The following PITHD1 variants were observed in gnomAD, a reference collection of about 807,000 sequenced individuals.
PITHD1 encodes PITH domain containing 1.
In PITHD1, 8 loss-of-function variants were observed where a neutral mutation model predicts 27.5. The observed-to-expected ratio is 0.29, with a 90% CI of 0.17 to 0.52. The LOEUF (loss-of-function observed/expected upper bound fraction) is 0.52. Ranked by LOEUF, PITHD1 falls within the 20% of genes least tolerant of loss-of-function variation. The pLI, the probability that PITHD1 is intolerant of heterozygous loss-of-function variation, is 0.96. For missense variants in PITHD1, 233 were observed against 283.9 expected, an observed-to-expected ratio of 0.82 and a Z score of 1.29; for synonymous variants, 118 against 106.8, an observed-to-expected ratio of 1.10 and a Z score of -0.64.
intron 3 of PITHD1, among the ~76,000 whole-genome samples, chr1:23,782,851 C>T (rs1399929043): frequency 1.3e-5 from 2 of 152,016 alleles, no homozygotes; most frequent in Non-Finnish European, 2.9e-5. Context: ...AGGCTGCCCA[C>T]CTCAGCCTCC....
rs1219417423 is a variant in PITHD1, at chr1:23,779,668, CAAT to C, written c.242+190_243-191del. 9.1e-6 allele frequency: 6 copies of C among 657,318 alleles called. No individual in the cohort carries two copies. The African/African-American group carries it at 1.1e-4, about 12-fold the overall frequency. 40.7% of individuals were successfully genotyped at this position (657,318 alleles called of 1,614,324 possible). A position where few individuals can be genotyped will look rare whatever the true frequency, so the allele number is the denominator to read the frequency against. On this transcript the variant is annotated intron_variant, in intron 2 of 5. Transcript: ENST00000246151. ...ACTGGAAACAGATGTATTTGTAGAA[CAAT>C]AACTGAGAAATTGAGGTAGATTTCT...
At position 23,787,734 on chromosome 1, in the gene PITHD1, T is replaced by G. The variant is rs936155979; in HGVS notation, c.*358T>G. 6.2e-6 allele frequency: 1 copy of G among 162,008 alleles called. No homozygotes were observed. The highest frequency in any genetic ancestry group is 2.4e-5 in the African/African-American group (1 of 41,686). 10.0% of individuals were successfully genotyped at this position (162,008 alleles called of 1,614,324 possible). ...TGTGTGACTTGTTTTTTTGTTTTTG[T>G]TTTTGTTTTTTTAAAGGAAACTATT... On this transcript the variant is annotated 3_prime_UTR_variant, in exon 6 of 6. Coordinates refer to ENST00000246151, the MANE Select transcript of PITHD1 (RefSeq NM_020362.5).
chr1:23,780,672 C>T (rs927310736), intron 3 of PITHD1, among the ~76,000 whole-genome samples: 2 of 149,734 alleles, frequency 1.3e-5, no homozygotes, highest in African/African-American at 2.5e-5. Context: ...ACCTGAGGTT[C>T]GAGACCAGCC....
Position 23,778,454 on chromosome 1 carries a change from G to T in PITHD1, c.-62G>T. ...CTGAACGGCGCGGAGCTGGTCTGAG[G>T]CGAGCCGAGCCGAGCGAGCGCGGCG... On this transcript the variant is annotated 5_prime_UTR_variant, in exon 1 of 6. Transcript: ENST00000246151. The T allele has an allele frequency of 8.2e-7, 1 of 1,220,610 alleles. No individual in the cohort carries two copies. The highest frequency in any genetic ancestry group is 2.2e-5 in the South Asian group (1 of 45,042). 75.6% of individuals were successfully genotyped at this position (1,220,610 alleles called of 1,614,324 possible). A position where few individuals can be genotyped will look rare whatever the true frequency, so the allele number is the denominator to read the frequency against.
At chr1:23,782,827 T>C (rs1049987780) in intron 3 of PITHD1, among the ~76,000 whole-genome samples, 2 of 151,804 alleles carry the variant, frequency 1.3e-5, no homozygotes, top group Non-Finnish European at 2.9e-5. Flanking sequence ...GGTCTTGAAC[T>C]CCTGGGATCA....
intron 3 of PITHD1, among the ~76,000 whole-genome samples, chr1:23,783,430 C>CAT (rs1638637672): frequency 1.5e-5 from 2 of 134,414 alleles, no homozygotes; most frequent in African/African-American, 5.8e-5. Context: ...CGTATATATA[C>CAT]GTGTGTGTGT....
chr1:23,779,760 G>T, intron 2 of PITHD1, 104 bp from the exon 3 acceptor site: 1 of 818,740 alleles, frequency 1.2e-6, no homozygotes, highest in South Asian at 1.4e-5. Context: ...GTTGACAGAT[G>T]AGTAAACTGA....
chr1:23,780,819 G>T (rs1272312557), intron 3 of PITHD1, among the ~76,000 whole-genome samples: 1 of 151,974 alleles, frequency 6.6e-6, no homozygotes, highest in South Asian at 2.1e-4. Context: ...AGGTTGCAGC[G>T]AGCCGAGATC....
At position 23,787,635 on chromosome 1, in the gene PITHD1, ATGGG is replaced by A; in HGVS notation, c.*261_*264del. 1 of 293,760 alleles carries A rather than the reference ATGGG, an allele frequency of 3.4e-6. No individual in the cohort carries two copies. Among genetic ancestry groups the A allele is most frequent in the Non-Finnish European group, 6.3e-6 (1 of 158,060 alleles). The allele number at this position is 293,760 out of a possible 1,614,324, so 18.2% of individuals were successfully genotyped here. On this transcript the variant is annotated 3_prime_UTR_variant, in exon 6 of 6. Transcript: ENST00000246151. ...TTGGGCTGGGTGGCATCTGGCAGTCATGGGTAACACTTGCTTTTCCAGTTAATGT... is the reference window on the plus strand; with the variant it reads ...TTGGGCTGGGTGGCATCTGGCAGTCATAACACTTGCTTTTCCAGTTAATGT...
Position 23,778,473 on chromosome 1 carries a change from C to A in PITHD1, c.-43C>A. 1.5e-6 allele frequency: 2 copies of A among 1,299,578 alleles called. No individual in the cohort carries two copies. Among genetic ancestry groups the A allele is most frequent in the Non-Finnish European group, 2.0e-6 (2 of 1,018,628 alleles). The allele number at this position is 1,299,578 out of a possible 1,614,324, so 80.5% of individuals were successfully genotyped here. The stretch of plus-strand genomic sequence containing the variant: ...TCTGAGGCGAGCCGAGCCGAGCGAG[C>A]GCGGCGGTGGGGCCGAGAGGACGCG... On this transcript the variant is annotated 5_prime_UTR_variant, in exon 1 of 6. Transcript: ENST00000246151.
intron 3 of PITHD1, chr1:23,785,047 G>C (rs565608084): frequency 6.6e-6 from 1 of 152,096 alleles, no homozygotes; most frequent in African/African-American, 2.4e-5. Flanking sequence ...AGTTTGGTCT[G>C]AATGTGCTGA....
At chr1:23,780,465 C>T (rs1185383229) in intron 3 of PITHD1, among the ~76,000 whole-genome samples, 2 of 152,142 alleles carry the variant, frequency 1.3e-5, no homozygotes, top group Non-Finnish European at 2.9e-5. Context: ...TACCTTATTC[C>T]AGAACAGCCT....
chr1:23,783,187 T>G (rs1358348363), intron 3 of PITHD1, among the ~76,000 whole-genome samples: 1 of 150,370 alleles, frequency 6.7e-6, no homozygotes, highest in Non-Finnish European at 1.5e-5. Flanking sequence ...TTAGTAGAGA[T>G]AGAGTTTCAC....
chr1:23,783,349 A>G (rs553389268), intron 3 of PITHD1, among the ~76,000 whole-genome samples: 51 of 149,384 alleles, frequency 3.4e-4, no homozygotes, highest in African/African-American at 1.1e-3. Context: ...GTATATATAC[A>G]TATATACGCA....
At chr1:23,785,605 G>C (rs1638670992) in intron 3 of PITHD1, 70 bp from the exon 4 acceptor site, 14 of 865,296 alleles carry the variant, frequency 1.6e-5, no homozygotes, top group Admixed American at 7.4e-5. Flanking sequence ...TAAGCAGTCA[G>C]TAGAAAATTT....
In PITHD1 at chr1:23,787,609, C is replaced by G. The variant is rs148886693; in HGVS notation, c.*233C>G. ...CTCTAGGGCGCTGTGGAAATTGGGTCTTGGGCTGGGTGGCATCTGGCAGTC... is the reference window on the plus strand; with the variant it reads ...CTCTAGGGCGCTGTGGAAATTGGGTGTTGGGCTGGGTGGCATCTGGCAGTC... On this transcript the variant is annotated 3_prime_UTR_variant, in exon 6 of 6. Transcript: ENST00000246151. The G allele has an allele frequency of 3.3e-4, 106 of 322,668 alleles. 1 individual carries two copies. The highest frequency in any genetic ancestry group is 1.3e-3 in the South Asian group (15 of 11,804). The allele number at this position is 322,668 out of a possible 1,614,324, so 20.0% of individuals were successfully genotyped here. A position where few individuals can be genotyped will look rare whatever the true frequency, so the allele number is the denominator to read the frequency against.
intron 3 of PITHD1, among the ~76,000 whole-genome samples, chr1:23,781,223 G>C (rs1339311566): frequency 6.6e-6 from 1 of 152,072 alleles, no homozygotes; most frequent in Non-Finnish European, 1.5e-5. Flanking sequence ...AGCACTTTGG[G>C]AGGCCGAGGC....
Position 23,778,684 on chromosome 1 carries a change from C to T in PITHD1, c.169C>T (p.Pro57Ser). Residue 57 changes from proline to serine, a missense_variant, in exon 1 of 6, where the codon CCG (proline) becomes TCG (serine). Transcript: ENST00000246151. ...REGSGRGVFK[P>S]WEERTDRSKF... Reference sequence around the variant, plus strand: ...GGGCAGCGGCCGCGGCGTCTTCAAGCCGTGGGAGGAGCGGACCGACCGCTC... The same window carrying T: ...GGGCAGCGGCCGCGGCGTCTTCAAGTCGTGGGAGGAGCGGACCGACCGCTC... 5.3e-6 allele frequency: 7 copies of T among 1,311,370 alleles called. No homozygotes were observed. The highest frequency in any genetic ancestry group is 2.8e-4 in the Middle Eastern group (1 of 3,636). The allele number at this position is 1,311,370 out of a possible 1,614,324, so 81.2% of individuals were successfully genotyped here.
intron 4 of PITHD1, 33 bp from the exon 5 acceptor site, chr1:23,786,282 A>G (rs1212420356): frequency 2.0e-6 from 2 of 985,778 alleles, no homozygotes; most frequent in Non-Finnish European, 3.2e-6. Context: ...ACTATAATTC[A>G]TACCTTCTTT....
Sources: allele counts gnomAD v4.1 joint callset (sites outside exome capture counted in the v4.1 genomes callset), GRCh38; gene constraint gnomAD v4.1.1; transcripts MANE v1.5; gene names NCBI Gene and HGNC (gene_info 2026-07-23, HGNC 2026-07-21).